Variants in CSMD3 observed in about 807,000 individuals in gnomAD.
The protein encoded by CSMD3 is CUB and sushi domain-containing protein 3.
CSMD3 carries 177 observed loss-of-function variants against 435.2 expected under a neutral mutation model. The observed-to-expected ratio is 0.41, with a 90% CI of 0.36 to 0.46. The LOEUF (loss-of-function observed/expected upper bound fraction) is 0.46. Among genes scored for constraint, CSMD3 ranks in the 20% least tolerant of loss-of-function variants. The pLI is 0.34. For synonymous variants in CSMD3, 1,656 were observed against 1,520.5 expected, an observed-to-expected ratio of 1.09 and a Z score of -2.07; for missense variants, 4,265 against 4,504.6, an observed-to-expected ratio of 0.95 and a Z score of 1.52.
chr8:112,613,986 T>G (rs967664420), intron 22 of CSMD3, among the ~76,000 whole-genome samples: 1 of 152,080 alleles, frequency 6.6e-6, no homozygotes, highest in Non-Finnish European at 1.5e-5. Flanking sequence ...AAAACATTGG[T>G]AGATTAAACA....
intron 12 of CSMD3, among the ~76,000 whole-genome samples, chr8:112,818,876 C>A (rs994834062): frequency 6.6e-6 from 1 of 152,066 alleles, no homozygotes; most frequent in African/African-American, 2.4e-5. Flanking sequence ...AATTTTATGT[C>A]TGGTGAATTT....
At chr8:112,313,404 A>AT (rs1179891155) in intron 49 of CSMD3, among the ~76,000 whole-genome samples, 3 of 152,116 alleles carry the variant, frequency 2.0e-5, no homozygotes, top group Non-Finnish European at 2.9e-5. Flanking sequence ...TAAAACAAAG[A>AT]TTTTGACCTC....
intron 17 of CSMD3, among the ~76,000 whole-genome samples, chr8:112,657,621 T>C (rs1362670665): frequency 6.6e-6 from 1 of 152,246 alleles, no homozygotes; most frequent in African/African-American, 2.4e-5. Context: ...GGTTATACTA[T>C]ATCCTGAATC....
At chr8:113,141,330 T>G (rs1475067611) in intron 4 of CSMD3, among the ~76,000 whole-genome samples, 1 of 150,556 alleles carries the variant, frequency 6.6e-6, no homozygotes, top group East Asian at 2.0e-4. Context: ...TTTATTAAGA[T>G]AGTATCTTTT....
At chr8:112,698,608 C>A (rs2076311778) in intron 13 of CSMD3, among the ~76,000 whole-genome samples, 1 of 152,084 alleles carries the variant, frequency 6.6e-6, no homozygotes, top group Non-Finnish European at 1.5e-5. Context: ...GGGGACATAT[C>A]AAAAGGACAT....
rs59815403 is a variant in CSMD3 at position 112,538,551 on chromosome 8, G to A, written c.4564+12120C>T. ...AAAACTCAGTAGCATTTTTATATAC[G>A]AATAACAAACCATCTGAAAAAAAAT... is the stretch of plus-strand genomic sequence containing the variant. On this transcript the variant is annotated intron_variant, in intron 27 of 70. Coordinates refer to ENST00000297405, the MANE Select transcript of CSMD3 (RefSeq NM_198123.2). 3.9e-4 allele frequency among the ~76,000 whole-genome samples: 59 copies of A among 151,186 alleles called. No homozygotes were observed. In the East Asian group the frequency reaches 8.9e-3, roughly 23 times the overall value.
rs189432390 is a variant in CSMD3 at position 112,664,283 on chromosome 8, C to T, written c.2816+1994G>A. ...GAAAAATATGGATGAAATCTTTGTC[C>T]TATTGTTCCAAATCAATACATATCA... On this transcript the variant is annotated intron_variant, in intron 17 of 70. Transcript: ENST00000297405. 5.1e-3 allele frequency among the ~76,000 whole-genome samples: 777 copies of T among 152,086 alleles called. 7 individuals carry two copies. The highest frequency in any genetic ancestry group is 0.017 in the African/African-American group (698 of 41,498).
intron 1 of CSMD3, among the ~76,000 whole-genome samples, chr8:113,360,653 A>C (rs2132982924): frequency 7.0e-6 from 1 of 143,822 alleles, no homozygotes; most frequent in Admixed American, 7.2e-5. Context: ...GGCTCACTGC[A>C]AGCTCCGCCT....
chr8:112,645,081 C>G (rs1289754467), intron 20 of CSMD3, 28 bp downstream of exon 20: 1 of 1,072,196 alleles, frequency 9.3e-7, no homozygotes, highest in Non-Finnish European at 1.5e-6. Flanking sequence ...AGAAGATAGT[C>G]CAATTATTAT....
chr8:112,322,428 A>G (rs1229949634), intron 45 of CSMD3, among the ~76,000 whole-genome samples: 1 of 152,068 alleles, frequency 6.6e-6, no homozygotes, highest in African/African-American at 2.4e-5. Flanking sequence ...TGTCAGTTTT[A>G]TAAAATGTGT....
At chr8:113,188,329 C>T (rs979510033) in intron 3 of CSMD3, among the ~76,000 whole-genome samples, 3 of 152,030 alleles carry the variant, frequency 2.0e-5, no homozygotes, top group Admixed American at 6.6e-5. Context: ...ATATACTAAG[C>T]TCCAGATATT....
intron 49 of CSMD3, among the ~76,000 whole-genome samples, chr8:112,313,174 T>C (rs534314496): frequency 1.3e-5 from 2 of 152,278 alleles, no homozygotes; most frequent in South Asian, 4.1e-4. Flanking sequence ...TGGTTCAGTA[T>C]CAGTAGACCC....
At chr8:112,468,234 A>ATTTTTTTTTTTT (rs771573736) in intron 32 of CSMD3, among the ~76,000 whole-genome samples, 3 of 93,720 alleles carry the variant, frequency 3.2e-5, no homozygotes, top group Non-Finnish European at 7.0e-5. Context: ...TGCCTAAAGT[A>ATTTTTTTTTTTT]TTTTTTTTTT....
chr8:113,073,623 T>C (rs2089221435), intron 5 of CSMD3, among the ~76,000 whole-genome samples: 1 of 151,876 alleles, frequency 6.6e-6, no homozygotes, highest in Non-Finnish European at 1.5e-5. Context: ...ATGTGTCTCA[T>C]GCTTTCTCCT....
rs1272467286 is a variant in CSMD3, at chr8:112,311,184, A to G, written c.7697-18T>C. The G allele has an allele frequency of 6.2e-7, 1 of 1,602,072 alleles. No homozygotes were observed. The highest frequency in any genetic ancestry group is 8.6e-7 in the Non-Finnish European group (1 of 1,169,124). On this transcript the variant is annotated intron_variant, in intron 49 of 70. Coordinates refer to ENST00000297405, the MANE Select transcript of CSMD3 (RefSeq NM_198123.2). ...GTAGAAAGCTTTTCAAAAGAAAAAA[A>G]AAATGCTGTTTAATTAATGAATCAG...
At chr8:113,350,587 T>TA (rs1167238055) in intron 1 of CSMD3, among the ~76,000 whole-genome samples, 1 of 152,084 alleles carries the variant, frequency 6.6e-6, no homozygotes, top group East Asian at 1.9e-4. Flanking sequence ...ACCTCCCTAA[T>TA]ACGGGAAAGA....
chr8:112,381,293 T>C (rs1185920939), intron 37 of CSMD3, among the ~76,000 whole-genome samples: 1 of 152,190 alleles, frequency 6.6e-6, no homozygotes, highest in Admixed American at 6.5e-5. Context: ...AAATGCATTA[T>C]AATGATATTT....
chr8:112,780,518 G>A (rs1388597371), intron 13 of CSMD3, among the ~76,000 whole-genome samples: 1 of 151,994 alleles, frequency 6.6e-6, no homozygotes, highest in Non-Finnish European at 1.5e-5. Context: ...AATCAGGTGA[G>A]CAACCACAGT....
intron 22 of CSMD3, among the ~76,000 whole-genome samples, chr8:112,598,851 C>G (rs1047991772): frequency 6.6e-6 from 1 of 152,172 alleles, no homozygotes; most frequent in Non-Finnish European, 1.5e-5. Context: ...CTCCTTACAC[C>G]TTATACAAAA....
Sources: allele counts gnomAD v4.1 joint callset (sites outside exome capture counted in the v4.1 genomes callset), GRCh38; gene constraint gnomAD v4.1.1; transcripts MANE v1.5; gene names NCBI Gene and HGNC (gene_info 2026-07-23, HGNC 2026-07-21).